Variants in RIMS1 observed in about 807,000 individuals in gnomAD.
RIMS1 encodes the protein regulating synaptic membrane exocytosis 1.
Under a neutral mutation model 214.1 loss-of-function variants are expected in RIMS1, and 83 were observed. The observed-to-expected ratio is 0.39, with a 90% CI of 0.32 to 0.47. RIMS1 has a LOEUF of 0.47. Among genes scored for constraint, RIMS1 ranks in the 20% least tolerant of loss-of-function variants. RIMS1 has a pLI of 0.99. For synonymous variants in RIMS1, 793 were observed against 786.8 expected, an observed-to-expected ratio of 1.01 and a Z score of -0.13; for missense variants, 2,050 against 2,161.8, an observed-to-expected ratio of 0.95 and a Z score of 1.03.
At position 72,242,453 on chromosome 6, in the gene RIMS1, C is replaced by T; in HGVS notation, c.2081+16C>T. The T allele has an allele frequency of 6.6e-7, 1 of 1,522,174 alleles. No individual in the cohort carries two copies. The allele number at this position is 1,522,174 out of a possible 1,614,324, so 94.3% of individuals were successfully genotyped here. On this transcript the variant is annotated intron_variant, in intron 10 of 33. Transcript: ENST00000521978. The stretch of plus-strand genomic sequence containing the variant: ...GGCCTATTGGGTAAGGCTAAAAAAA[C>T]TTACTTCTTAAGTTTAGTAAATTAC...
At chr6:72,283,706 A>C (rs926011682) in intron 23 of RIMS1, among the ~76,000 whole-genome samples, 2 of 152,044 alleles carry the variant, frequency 1.3e-5, no homozygotes, top group Admixed American at 1.3e-4. Context: ...TCATTATTAC[A>C]CTTCACCATT....
At chr6:72,207,379 CT>C (rs1200525859) in intron 6 of RIMS1, among the ~76,000 whole-genome samples, 2 of 152,314 alleles carry the variant, frequency 1.3e-5, no homozygotes, top group African/African-American at 4.8e-5. Context: ...GATCTTGACT[CT>C]ACTTGACTAT....
At chr6:72,123,843 T>C (rs1219907183) in intron 4 of RIMS1, among the ~76,000 whole-genome samples, 1 of 151,864 alleles carries the variant, frequency 6.6e-6, no homozygotes, top group African/African-American at 2.4e-5. Flanking sequence ...TCCTCCATCC[T>C]TTTATTTTGA....
At position 72,144,895 on chromosome 6, in the gene RIMS1, T is replaced by A. The variant is rs191074228; in HGVS notation, c.472-34680T>A. Reference sequence around the variant, plus strand: ...TTTTTTTTCTTTCTTTTTTCTTTTTTTTTTTCGAGATGGAGTTTCGCTCTT... The same window carrying A: ...TTTTTTTTCTTTCTTTTTTCTTTTTATTTTTCGAGATGGAGTTTCGCTCTT... On this transcript the variant is annotated intron_variant, in intron 4 of 33. Coordinates refer to ENST00000521978, the MANE Select transcript of RIMS1 (RefSeq NM_014989.7). Among the ~76,000 whole-genome samples, 161 of 151,882 alleles carry A rather than the reference T, an allele frequency of 1.1e-3. 2 individuals carry two copies. Among genetic ancestry groups the A allele is most frequent in the African/African-American group, 3.7e-3 (152 of 41,478 alleles).
At position 72,360,852 on chromosome 6, in the gene RIMS1, C is replaced by A. The variant is rs9351915; in HGVS notation, c.4366+27017C>A. Among the ~76,000 whole-genome samples the A allele has an allele frequency of 4.5e-3, 673 of 149,880 alleles. 2 individuals are homozygous for A. Among genetic ancestry groups the A allele is most frequent in the South Asian group, 7.3e-3 (35 of 4,794 alleles). ...AAATGCATTCTAATTACAAACAACT[C>A]TATTTTCCATAGGTGAGAACATAAT... On this transcript the variant is annotated intron_variant, in intron 29 of 33. Transcript: ENST00000521978.
chr6:72,218,009 T>C (rs2056919645), intron 6 of RIMS1, among the ~76,000 whole-genome samples: 1 of 152,148 alleles, frequency 6.6e-6, no homozygotes, highest in Non-Finnish European at 1.5e-5. Context: ...CTCAAGATCA[T>C]CTATTGATGA....
At chr6:72,233,591 A>G (rs2062845881) in intron 6 of RIMS1, among the ~76,000 whole-genome samples, 182 bp from the exon 7 acceptor site, 1 of 151,720 alleles carries the variant, frequency 6.6e-6, no homozygotes, top group Non-Finnish European at 1.5e-5. Flanking sequence ...GTGCATTTGT[A>G]GCATACGTTC....
chr6:71,904,193 C>T lies in RIMS1; in HGVS notation c.164+17006C>T, dbSNP rs148304173. ...TGACCACACTAGTTTGACTTGTTTC[C>T]CATTTCATGGTTGCAGAGTAATTTG... On this transcript the variant is annotated intron_variant, in intron 1 of 33. Coordinates refer to ENST00000521978, the MANE Select transcript of RIMS1 (RefSeq NM_014989.7). Among the ~76,000 whole-genome samples, 227 of 152,184 alleles carry T rather than the reference C, an allele frequency of 1.5e-3. 2 individuals carry two copies. The highest frequency in any genetic ancestry group is 5.1e-3 in the African/African-American group (210 of 41,536).
At chr6:72,356,104 T>TCAA (rs1412391839) in intron 29 of RIMS1, among the ~76,000 whole-genome samples, 4 of 152,172 alleles carry the variant, frequency 2.6e-5, no homozygotes, top group African/African-American at 7.2e-5. Context: ...ATATATCCAG[T>TCAA]CAGTTGACAC....
At chr6:72,379,849 GC>G (rs2098455803) in intron 29 of RIMS1, among the ~76,000 whole-genome samples, 1 of 152,174 alleles carries the variant, frequency 6.6e-6, no homozygotes, top group South Asian at 2.1e-4. Flanking sequence ...GTCCAGAGTT[GC>G]CCCTCAAACC....
intron 2 of RIMS1, among the ~76,000 whole-genome samples, chr6:72,019,571 A>G (rs1477581083): frequency 6.6e-6 from 1 of 152,220 alleles, no homozygotes; most frequent in Non-Finnish European, 1.5e-5. Context: ...ACATAGACTA[A>G]TCAAATGTGG....
intron 4 of RIMS1, among the ~76,000 whole-genome samples, chr6:72,103,405 C>A (rs984365193): frequency 6.6e-6 from 1 of 152,092 alleles, no homozygotes; most frequent in Admixed American, 6.6e-5. Flanking sequence ...TGCATATTAT[C>A]AAAGTTCTGG....
At chr6:72,161,259 T>C (rs1588286853) in intron 4 of RIMS1, among the ~76,000 whole-genome samples, 1 of 140,676 alleles carries the variant, frequency 7.1e-6, no homozygotes, top group Non-Finnish European at 1.6e-5. Flanking sequence ...TTATTGCATC[T>C]GTTTGATTCT....
intron 4 of RIMS1, among the ~76,000 whole-genome samples, chr6:72,149,695 C>T (rs1007283876): frequency 5.3e-5 from 8 of 152,242 alleles, no homozygotes; most frequent in Non-Finnish European, 1.0e-4. Flanking sequence ...CACATTCACT[C>T]ACCCTCTGAC....
chr6:71,916,399 G>A (rs148910294), intron 1 of RIMS1, among the ~76,000 whole-genome samples: 30 of 152,186 alleles, frequency 2.0e-4, no homozygotes, highest in African/African-American at 6.0e-4. Context: ...AGACTCCATA[G>A]CTGAAATCAT....
chr6:71,979,488 A>G (rs567924501), intron 2 of RIMS1, among the ~76,000 whole-genome samples: 77 of 152,234 alleles, frequency 5.1e-4, no homozygotes, highest in African/African-American at 1.8e-3. Context: ...TGTATTCCAT[A>G]AAGTAGTATA....
At chr6:71,987,332 A>C (rs1800310742) in intron 2 of RIMS1, among the ~76,000 whole-genome samples, 2 of 152,194 alleles carry the variant, frequency 1.3e-5, no homozygotes, top group African/African-American at 2.4e-5. Flanking sequence ...AGAATTGATC[A>C]AGTTCTGTTG....
At chr6:72,137,651 G>A (rs1223816259) in intron 4 of RIMS1, among the ~76,000 whole-genome samples, 1 of 149,212 alleles carries the variant, frequency 6.7e-6, no homozygotes, top group East Asian at 2.0e-4. Context: ...GATATTGTGT[G>A]TTTACTTTAT....
At chr6:72,223,439 TG>T (rs2154053499) in intron 6 of RIMS1, among the ~76,000 whole-genome samples, 1 of 152,268 alleles carries the variant, frequency 6.6e-6, no homozygotes, top group South Asian at 2.1e-4. Context: ...TTAATTGCTA[TG>T]TTAATATCAT....
Sources: gnomAD v4.1 joint callset for allele counts (sites outside exome capture counted in the v4.1 genomes callset) on GRCh38, gnomAD v4.1.1 for gene constraint, MANE v1.5 for transcripts, NCBI Gene and HGNC (gene_info 2026-07-23, HGNC 2026-07-21) for gene names.